Variants in BMAL1 observed in about 807,000 individuals in gnomAD.
The protein encoded by BMAL1 is basic helix-loop-helix ARNT-like protein 1.
chr11:13,354,115 C>T, the BMAL1 span, among the ~76,000 whole-genome samples: 1 of 152,146 alleles, frequency 6.6e-6, no homozygotes, highest in Non-Finnish European at 1.5e-5. Context: ...ATGCTCTTTC[C>T]ATTCTATCAC....
the BMAL1 span, among the ~76,000 whole-genome samples, chr11:13,345,205 G>A: frequency 6.6e-6 from 1 of 152,196 alleles, no homozygotes; most frequent in African/African-American, 2.4e-5. Context: ...CAGAAGGAGA[G>A]GCAGGCCTTC....
chr11:13,341,814 A>T, the BMAL1 span, among the ~76,000 whole-genome samples: 1 of 152,246 alleles, frequency 6.6e-6, no homozygotes, highest in Admixed American at 6.5e-5. Context: ...ATGCACCTTC[A>T]TTTAGCTGGT....
At chr11:13,324,992 C>T in the BMAL1 span, among the ~76,000 whole-genome samples, 1 of 152,138 alleles carries the variant, frequency 6.6e-6, no homozygotes, top group Non-Finnish European at 1.5e-5. Flanking sequence ...GAAATTGATG[C>T]TGAGTGTTGT....
At chr11:13,356,144 G>A in the BMAL1 span, among the ~76,000 whole-genome samples, 5 of 152,070 alleles carry the variant, frequency 3.3e-5, no homozygotes, top group Admixed American at 6.5e-5. Context: ...GCCCCACTAC[G>A]CCCCTCCATC....
At chr11:13,342,548 A>T in the BMAL1 span, among the ~76,000 whole-genome samples, 1 of 151,828 alleles carries the variant, frequency 6.6e-6, no homozygotes, top group East Asian at 1.9e-4. Flanking sequence ...TTAGACTTTC[A>T]CCCTCCACAG....
At chr11:13,302,867 G>T in the BMAL1 span, among the ~76,000 whole-genome samples, 1 of 152,150 alleles carries the variant, frequency 6.6e-6, no homozygotes, top group East Asian at 1.9e-4. Context: ...TGTTTGTCTT[G>T]ATTTCTTCCG....
the BMAL1 span, among the ~76,000 whole-genome samples, chr11:13,280,656 G>C: frequency 1.3e-5 from 2 of 152,080 alleles, no homozygotes; most frequent in Admixed American, 6.6e-5. Flanking sequence ...TGGGAGCTAG[G>C]GACACAGGCA....
At chr11:13,367,998 G>A in the BMAL1 span, among the ~76,000 whole-genome samples, 1 of 152,182 alleles carries the variant, frequency 6.6e-6, no homozygotes, top group Non-Finnish European at 1.5e-5. Context: ...AATACCACCA[G>A]ATAATCTCCT....
chr11:13,330,124 C>T, the BMAL1 span, among the ~76,000 whole-genome samples: 6 of 152,160 alleles, frequency 3.9e-5, no homozygotes, highest in Admixed American at 6.5e-5. Flanking sequence ...TTCAGGAACA[C>T]GGAGTAATTA....
At chr11:13,357,278 C>T in the BMAL1 span, among the ~76,000 whole-genome samples, 2 of 152,256 alleles carry the variant, frequency 1.3e-5, no homozygotes, top group Non-Finnish European at 2.9e-5. The surrounding 1 kb of genome is among the most constrained non-coding windows in gnomAD (Gnocchi z 4.8). Flanking sequence ...GCTCTCCATA[C>T]TGGCTGGCCT....
chr11:13,365,491 C>T, the BMAL1 span: 1 of 1,610,894 alleles, frequency 6.2e-7, no homozygotes, highest in Non-Finnish European at 8.5e-7. Flanking sequence ...ATCCATTTCT[C>T]CTGATTAGGC....
the BMAL1 span, among the ~76,000 whole-genome samples, chr11:13,347,456 T>C: frequency 6.6e-6 from 1 of 152,210 alleles, no homozygotes; most frequent in African/African-American, 2.4e-5. Context: ...ATTATTTTTA[T>C]TTCTATAAAG....
the BMAL1 span, among the ~76,000 whole-genome samples, chr11:13,324,761 G>C: frequency 6.6e-6 from 1 of 152,232 alleles, no homozygotes; most frequent in Admixed American, 6.5e-5. Flanking sequence ...CCTGAAACAC[G>C]AGGTGGGTGG....
At chr11:13,332,275 TG>T in the BMAL1 span, among the ~76,000 whole-genome samples, 1 of 152,172 alleles carries the variant, frequency 6.6e-6, no homozygotes, top group Non-Finnish European at 1.5e-5. Flanking sequence ...GACTGGACAG[TG>T]GTTCTCAAAC....
the BMAL1 span, chr11:13,356,183 C>T: frequency 2.3e-6 from 1 of 440,892 alleles, no homozygotes; most frequent in African/African-American, 2.0e-5. Flanking sequence ...GGGTTCCCAC[C>T]TACCTGAGAA....
the BMAL1 span, among the ~76,000 whole-genome samples, chr11:13,309,705 CT>C: frequency 6.6e-6 from 1 of 152,126 alleles, no homozygotes; most frequent in African/African-American, 2.4e-5. Flanking sequence ...AGCCTACAGT[CT>C]AGAGAAACCC....
chr11:13,383,707 TCCAGG>T, the BMAL1 span, among the ~76,000 whole-genome samples: 1 of 151,652 alleles, frequency 6.6e-6, no homozygotes, highest in Admixed American at 6.6e-5. Context: ...AAAAAAATTA[TCCAGG>T]TGTGGTGGTG....
At chr11:13,356,312 C>T in the BMAL1 span, 9 of 462,938 alleles carry the variant, frequency 1.9e-5, no homozygotes, top group African/African-American at 1.2e-4. Context: ...GATATGTATG[C>T]ACATTTATCT....
At chr11:13,355,832 A>G in the BMAL1 span, among the ~76,000 whole-genome samples, 1 of 152,154 alleles carries the variant, frequency 6.6e-6, no homozygotes, top group Non-Finnish European at 1.5e-5. Flanking sequence ...AATGCCCATG[A>G]TATGATCCAG....
Sources: gnomAD v4.1 joint callset for allele counts (sites outside exome capture counted in the v4.1 genomes callset) on GRCh38, gnomAD v4.1.1 for gene constraint, Gnocchi (gnomAD v3.1) non-coding constraint, MANE v1.5 for transcripts, NCBI Gene and HGNC (gene_info 2026-07-23, HGNC 2026-07-21) for gene names.